PBX3: variants seen among roughly 807,000 people sequenced by gnomAD.
The protein encoded by PBX3 is pre-B-cell leukemia transcription factor 3.
Under a neutral mutation model 48.5 loss-of-function variants are expected in PBX3, and 14 were observed. The ratio of observed to expected loss-of-function variants is 0.29; its 90% confidence interval spans 0.19 to 0.45. The LOEUF (loss-of-function observed/expected upper bound fraction) is 0.45. PBX3 is among the 20% of genes least tolerant of loss of function. PBX3 has a pLI of 1.00. For synonymous variants in PBX3, 210 were observed against 200.3 expected, an observed-to-expected ratio of 1.05 and a Z score of -0.41; for missense variants, 386 against 546.7, an observed-to-expected ratio of 0.71 and a Z score of 2.93.
At chr9:125,941,078 C>T (rs1312630638) in intron 5 of PBX3, among the ~76,000 whole-genome samples, 3 of 152,082 alleles carry the variant, frequency 2.0e-5, no homozygotes, top group Non-Finnish European at 4.4e-5. Context: ...GTGATAGTTG[C>T]TCTTGACAAA....
intron 2 of PBX3, among the ~76,000 whole-genome samples, chr9:125,822,411 T>C (rs1452136411): frequency 6.6e-6 from 1 of 152,190 alleles, no homozygotes; most frequent in African/African-American, 2.4e-5. Context: ...CTGGGAAAGA[T>C]CTTTACTGAT....
chr9:125,881,846 T>C (rs1371682764), intron 2 of PBX3, among the ~76,000 whole-genome samples: 3 of 151,852 alleles, frequency 2.0e-5, no homozygotes, highest in East Asian at 1.9e-4. Context: ...TAATGTTTTT[T>C]TGGGGAGGAG....
intron 2 of PBX3, among the ~76,000 whole-genome samples, chr9:125,804,964 AAAGAAG>A (rs1252209819): frequency 4.7e-5 from 7 of 149,932 alleles, no homozygotes; most frequent in Non-Finnish European, 8.8e-5. Flanking sequence ...AAAAAAAAAA[AAAGAAG>A]AAGAAGAAGA....
intron 3 of PBX3, among the ~76,000 whole-genome samples, chr9:125,926,846 A>G (rs1841590044): frequency 6.6e-6 from 1 of 152,222 alleles, no homozygotes; most frequent in Non-Finnish European, 1.5e-5. Flanking sequence ...AAGATAAAAT[A>G]AATTGATAAT....
At chr9:125,840,416 TGTA>T (rs1019090499) in intron 2 of PBX3, among the ~76,000 whole-genome samples, 1 of 151,758 alleles carries the variant, frequency 6.6e-6, no homozygotes, top group Non-Finnish European at 1.5e-5. Flanking sequence ...TCACAAAAGG[TGTA>T]GTAACATATT....
intron 2 of PBX3, among the ~76,000 whole-genome samples, chr9:125,894,099 G>A (rs547054696): frequency 1.2e-5 from 1 of 86,586 alleles, no homozygotes; most frequent in East Asian, 3.6e-4. Context: ...AAGGCATTTT[G>A]TAAATAGTAT....
chr9:125,747,434 TCCCGCCCGC>T lies in PBX3; in HGVS notation c.-19_-11del. 7.8e-7 allele frequency: 1 copy of T among 1,277,666 alleles called. No homozygotes were observed. The highest frequency in any genetic ancestry group is 1.0e-6 in the Non-Finnish European group (1 of 994,068). The allele number at this position is 1,277,666 out of a possible 1,614,324, so 79.1% of individuals were successfully genotyped here. A position where few individuals can be genotyped will look rare whatever the true frequency, so the allele number is the denominator to read the frequency against. On this transcript the variant is annotated 5_prime_UTR_variant, in exon 1 of 9. Transcript: ENST00000373489. ...AGCCTTCGCCTCAGCCGCCGCCCGCTCCCGCCCGCGCGCGGCGGGATGGACGATCAATCC... is the reference window on the plus strand; with the variant it reads ...AGCCTTCGCCTCAGCCGCCGCCCGCTGCGCGGCGGGATGGACGATCAATCC...
intron 2 of PBX3, among the ~76,000 whole-genome samples, chr9:125,830,295 G>A (rs1838922336): frequency 6.6e-6 from 1 of 151,866 alleles, no homozygotes; most frequent in Non-Finnish European, 1.5e-5. Flanking sequence ...TCATGTTAAG[G>A]AAAATGTAAA....
At chr9:125,845,254 C>T (rs1233044464) in intron 2 of PBX3, among the ~76,000 whole-genome samples, 4 of 152,080 alleles carry the variant, frequency 2.6e-5, no homozygotes, top group African/African-American at 9.7e-5. Flanking sequence ...TCATCTGAAG[C>T]ATTTTTATGT....
chr9:125,879,331 T>A (rs553479212), intron 2 of PBX3, among the ~76,000 whole-genome samples: 26 of 152,216 alleles, frequency 1.7e-4, no homozygotes, highest in African/African-American at 4.8e-4. Flanking sequence ...TCAGCGCACC[T>A]CGGCCTCCCA....
intron 2 of PBX3, among the ~76,000 whole-genome samples, chr9:125,804,226 T>C (rs1304120101): frequency 6.6e-6 from 1 of 152,244 alleles, no homozygotes; most frequent in Non-Finnish European, 1.5e-5. Flanking sequence ...GTTAGATAGC[T>C]AAGAGTTATA....
intron 2 of PBX3, among the ~76,000 whole-genome samples, chr9:125,817,754 C>T (rs377180602): frequency 1.6e-4 from 24 of 151,922 alleles, no homozygotes; most frequent in Admixed American, 1.2e-3. Flanking sequence ...TCCTACAAAT[C>T]GAAAAAATAC....
intron 5 of PBX3, among the ~76,000 whole-genome samples, chr9:125,940,389 C>T (rs1564183422): frequency 6.6e-6 from 1 of 152,172 alleles, no homozygotes; most frequent in African/African-American, 2.4e-5. Context: ...TTTAAAAAGA[C>T]TGTTTCCATT....
intron 2 of PBX3, among the ~76,000 whole-genome samples, chr9:125,754,889 G>C (rs913346233): frequency 6.6e-6 from 1 of 152,002 alleles, no homozygotes; most frequent in Non-Finnish European, 1.5e-5. Flanking sequence ...AATATTTATG[G>C]ATAAAAATAA....
intron 2 of PBX3, among the ~76,000 whole-genome samples, chr9:125,814,519 T>C (rs1318801678): frequency 2.0e-5 from 3 of 152,204 alleles, no homozygotes; most frequent in Non-Finnish European, 2.9e-5. Context: ...AGGATGTGAA[T>C]AGTGAAAATG....
chr9:125,789,026 CTGT>C (rs1225567172), intron 2 of PBX3, among the ~76,000 whole-genome samples: 11 of 151,990 alleles, frequency 7.2e-5, no homozygotes, highest in Non-Finnish European at 1.5e-4. Context: ...TTGTTTCATA[CTGT>C]TGTTATCTTT....
chr9:125,877,528 A>G (rs992192245), intron 2 of PBX3, among the ~76,000 whole-genome samples: 1 of 152,204 alleles, frequency 6.6e-6, no homozygotes, highest in African/African-American at 2.4e-5. Flanking sequence ...TGCTTAACCC[A>G]TAAAATCTCT....
At chr9:125,898,074 T>C (rs1588272963) in intron 2 of PBX3, among the ~76,000 whole-genome samples, 1 of 151,848 alleles carries the variant, frequency 6.6e-6, no homozygotes, top group East Asian at 1.9e-4. Context: ...TATGATGGAA[T>C]TGATAAATAA....
At chr9:125,877,812 C>T (rs1477336174) in intron 2 of PBX3, among the ~76,000 whole-genome samples, 4 of 152,204 alleles carry the variant, frequency 2.6e-5, no homozygotes, top group African/African-American at 4.8e-5. Flanking sequence ...GTACCTATCA[C>T]GTGCTGGGCA....
Sources: allele counts gnomAD v4.1 joint callset (sites outside exome capture counted in the v4.1 genomes callset), GRCh38; gene constraint gnomAD v4.1.1; transcripts MANE v1.5; gene names NCBI Gene and HGNC (gene_info 2026-07-23, HGNC 2026-07-21).